Variants in LITAF observed in about 807,000 individuals in gnomAD.
LITAF encodes lipopolysaccharide-induced tumor necrosis factor-alpha factor.
In LITAF, 9 loss-of-function variants were observed where a neutral mutation model predicts 14.5. The observed-to-expected ratio is 0.62, with a 90% CI of 0.37 to 1.08. The LOEUF is 1.08. Ranked by LOEUF, LITAF falls within the 50% of genes least tolerant of loss-of-function variation. The pLI, the probability that LITAF is intolerant of heterozygous loss-of-function variation, is 0.01. For missense variants in LITAF, 206 were observed against 213.4 expected (o/e 0.97, Z 0.22); for synonymous variants, 98 against 88.2 (o/e 1.11, Z -0.62).
At chr16:11,551,763 T>G in intron 3 of LITAF, 1 of 687,080 alleles carries the variant, frequency 1.5e-6, no homozygotes, top group Non-Finnish European at 2.7e-6. Context: ...GCCCAGGAGA[T>G]CAAAGCTGCG....
At chr16:11,601,184 G>T (rs1469021387), upstream of LITAF, among the ~76,000 whole-genome samples, 1 of 151,936 alleles carries the variant, frequency 6.6e-6, no homozygotes, top group African/African-American at 2.4e-5. Context: ...CCCATCCTGG[G>T]AATGTCACTC....
At chr16:11,601,405 G>A (rs928609010), upstream of LITAF, among the ~76,000 whole-genome samples, 2 of 152,094 alleles carry the variant, frequency 1.3e-5, no homozygotes, top group Non-Finnish European at 2.9e-5. Flanking sequence ...AGGGAAGGGG[G>A]CTCTCCAATT....
chr16:11,577,461 G>A (rs1408575057), intron 1 of LITAF, among the ~76,000 whole-genome samples: 1 of 151,610 alleles, frequency 6.6e-6, no homozygotes, highest in Non-Finnish European at 1.5e-5. Flanking sequence ...GAGATTACAG[G>A]CACCCACCAC....
intron 3 of LITAF, chr16:11,551,867 C>A: frequency 4.1e-6 from 2 of 483,704 alleles, no homozygotes; most frequent in Non-Finnish European, 7.4e-6. Context: ...CCATCTTTCC[C>A]TGATTCCAAA....
chr16:11,556,757 C>T, intron 1 of LITAF, 22 bp from the exon 2 acceptor site: 1 of 1,587,386 alleles, frequency 6.3e-7, no homozygotes, highest in African/African-American at 1.3e-5. Flanking sequence ...ACAGAACATA[C>T]CAGATAAGAA....
chr16:11,603,000 G>C (rs934206113), upstream of LITAF, among the ~76,000 whole-genome samples: 2 of 152,090 alleles, frequency 1.3e-5, no homozygotes, highest in Non-Finnish European at 1.5e-5. Flanking sequence ...TGTAGTCCCA[G>C]CTACTCGGGA....
intron 3 of LITAF, among the ~76,000 whole-genome samples, chr16:11,625,775 C>T (rs1157347282): frequency 6.6e-6 from 1 of 152,074 alleles, no homozygotes; most frequent in Non-Finnish European, 1.5e-5. Flanking sequence ...GCTGTGTGCC[C>T]GCGCTGGAGA....
upstream of LITAF, chr16:11,587,294 C>T (rs1181855892): frequency 9.1e-6 from 4 of 438,250 alleles, no homozygotes; most frequent in Admixed American, 2.5e-5. Flanking sequence ...ACTTTCCCCC[C>T]TCCCCGCGCC....
At chr16:11,578,164 G>A (rs1347665027) in intron 1 of LITAF, among the ~76,000 whole-genome samples, 1 of 152,170 alleles carries the variant, frequency 6.6e-6, no homozygotes, top group Non-Finnish European at 1.5e-5. Context: ...CTCCAAAACT[G>A]CTGGGATTAT....
chr16:11,634,724 A>T lies in LITAF; in HGVS notation c.-20-1087T>A, dbSNP rs558964050. The stretch of plus-strand genomic sequence containing the variant: ...CCCTAGCCTCTGAATTTTCAGGGAG[A>T]CTGACTTGAGTCATAAAACTCTGGT... On this transcript the variant is annotated intron_variant, in intron 2 of 3. Transcript: ENST00000574848. This position sits in a 1 kb window ranked among gnomAD's most constrained non-coding sequence, Gnocchi z 4.1. Among the ~76,000 whole-genome samples the T allele has an allele frequency of 6.6e-6, 1 of 152,262 alleles. No homozygotes were observed. Among genetic ancestry groups the T allele is most frequent in the East Asian group, 1.9e-4 (1 of 5,178 alleles).
intron 1 of LITAF, chr16:11,635,986 C>T (rs1051053592): frequency 2.1e-4 from 32 of 152,350 alleles, no homozygotes; most frequent in Admixed American, 1.1e-3. Context: ...TCATCACAGG[C>T]TGGGTTATTT....
chr16:11,579,585 T>C (rs2064702259), intron 1 of LITAF, among the ~76,000 whole-genome samples: 1 of 152,078 alleles, frequency 6.6e-6, no homozygotes, highest in Non-Finnish European at 1.5e-5. Context: ...AAAAAGGACA[T>C]CAGTGGGAGA....
At chr16:11,630,477 G>T (rs2065111224) in intron 3 of LITAF, among the ~76,000 whole-genome samples, 1 of 151,716 alleles carries the variant, frequency 6.6e-6, no homozygotes, top group African/African-American at 2.4e-5. Flanking sequence ...CTCCTCCTGT[G>T]CCCCGCCTGC....
At position 11,605,798 on chromosome 16, in the gene LITAF, G is replaced by A. The variant is rs915799247; in HGVS notation, c.85+27735C>T. On this transcript the variant is annotated intron_variant, in intron 3 of 3. Coordinates refer to the LITAF transcript ENST00000574848. The surrounding 1 kb of genome is among the most constrained non-coding windows in gnomAD (Gnocchi z 4.7). Reference sequence around the variant, plus strand: ...AAGAGAAGCAAGAGAGTTACCGTGAGAGCCCCGAGAGCTTCCCACACTACA... The same window carrying A: ...AAGAGAAGCAAGAGAGTTACCGTGAAAGCCCCGAGAGCTTCCCACACTACA... Among the ~76,000 whole-genome samples, 1 of 152,090 alleles carries A rather than the reference G, an allele frequency of 6.6e-6. No homozygotes were observed. The highest frequency in any genetic ancestry group is 2.4e-5 in the African/African-American group (1 of 41,420).
intron 3 of LITAF, among the ~76,000 whole-genome samples, chr16:11,606,038 G>A (rs956484986): frequency 1.3e-5 from 2 of 152,128 alleles, no homozygotes; most frequent in Non-Finnish European, 2.9e-5. Flanking sequence ...ACTTATTGTG[G>A]GCTATTGCTA....
intron 1 of LITAF, among the ~76,000 whole-genome samples, chr16:11,569,152 C>T (rs1220109643): frequency 6.6e-6 from 1 of 152,190 alleles, no homozygotes; most frequent in Non-Finnish European, 1.5e-5. Flanking sequence ...GGCTTCCGAG[C>T]AGAATCCCAT....
upstream of LITAF, among the ~76,000 whole-genome samples, chr16:11,638,197 A>C (rs904826262): frequency 3.3e-5 from 5 of 149,650 alleles, no homozygotes; most frequent in East Asian, 7.8e-4. Context: ...ACATCACATC[A>C]CCTCCTGGCC....
At chr16:11,626,529 C>A (rs189144722) in intron 3 of LITAF, among the ~76,000 whole-genome samples, 101 of 152,174 alleles carry the variant, frequency 6.6e-4, no homozygotes, top group African/African-American at 2.3e-3. Flanking sequence ...TTTGTAGAGA[C>A]CAATTTCACC....
At chr16:11,611,537 C>T (rs150774755) in intron 3 of LITAF, among the ~76,000 whole-genome samples, 13 of 152,250 alleles carry the variant, frequency 8.5e-5, no homozygotes, top group African/African-American at 3.1e-4. Context: ...TAGAGGACAT[C>T]CCTATAACAA....
Sources: gnomAD v4.1 joint callset for allele counts (sites outside exome capture counted in the v4.1 genomes callset) on GRCh38, gnomAD v4.1.1 for gene constraint, Gnocchi (gnomAD v3.1) non-coding constraint, MANE v1.5 for transcripts, NCBI Gene and HGNC (gene_info 2026-07-23, HGNC 2026-07-21) for gene names.